Variants in IPO7 observed in about 807,000 individuals in gnomAD.
IPO7 encodes the protein importin-7.
IPO7 carries 13 observed loss-of-function variants against 136.4 expected under a neutral mutation model. That is an observed-to-expected ratio of 0.10 (90% CI 0.06 to 0.15). The LOEUF (loss-of-function observed/expected upper bound fraction) is 0.15, where lower values mean the gene tolerates loss of function less well. Ranked by LOEUF, IPO7 falls within the 10% of genes least tolerant of loss-of-function variation. The pLI is 1.00. For synonymous variants in IPO7, 403 were observed against 404.4 expected, an observed-to-expected ratio of 1.00 and a Z score of 0.04; for missense variants, 857 against 1,240.6, an observed-to-expected ratio of 0.69 and a Z score of 4.65.
chr11:9,396,771 C>T (rs183053381), intron 1 of IPO7, among the ~76,000 whole-genome samples: 7 of 152,148 alleles, frequency 4.6e-5, no homozygotes, highest in Admixed American at 3.3e-4. Flanking sequence ...TTTAAATTGC[C>T]GAATAGCATT....
At chr11:9,420,980 A>AT (rs558977398) in intron 8 of IPO7, among the ~76,000 whole-genome samples, 4 of 151,612 alleles carry the variant, frequency 2.6e-5, no homozygotes, top group African/African-American at 4.8e-5. Flanking sequence ...TAAGACAATA[A>AT]TTTTTTTTTC....
At chr11:9,411,213 T>C (rs1854963761) in intron 4 of IPO7, among the ~76,000 whole-genome samples, 1 of 152,202 alleles carries the variant, frequency 6.6e-6, no homozygotes, top group Non-Finnish European at 1.5e-5. Flanking sequence ...AAGTGGGAGA[T>C]ACAGGAGGCT....
In IPO7 at chr11:9,397,361, T is replaced by A. The variant is rs4512819; in HGVS notation, c.85-5929T>A. On this transcript the variant is annotated intron_variant, in intron 1 of 24. Coordinates refer to ENST00000379719, the MANE Select transcript of IPO7 (RefSeq NM_006391.3). ...AAAAAAATATATATATATATATATATATATTAGTCGGGCACGGTGGCAGGT... is the reference window on the plus strand; with the variant it reads ...AAAAAAATATATATATATATATATAAATATTAGTCGGGCACGGTGGCAGGT... Among the ~76,000 whole-genome samples, 7 of 42,276 alleles carry A rather than the reference T, an allele frequency of 1.7e-4. 1 individual carries two copies. Among genetic ancestry groups the A allele is most frequent in the South Asian group, 1.0e-3 (1 of 974 alleles). The allele number at this position is 42,276 out of a possible 152,430, so 27.7% of individuals were successfully genotyped here. A position where few individuals can be genotyped will look rare whatever the true frequency, so the allele number is the denominator to read the frequency against.
At chr11:9,393,194 G>C (rs1166476550) in intron 1 of IPO7, among the ~76,000 whole-genome samples, 2 of 152,174 alleles carry the variant, frequency 1.3e-5, no homozygotes, top group East Asian at 3.9e-4. Flanking sequence ...CTGCAGGCAG[G>C]TGATTACAGT....
At chr11:9,397,341 A>AAAAAAAAAACATAT in intron 1 of IPO7, among the ~76,000 whole-genome samples, 2 of 10,762 alleles carry the variant, frequency 1.9e-4, no homozygotes, top group African/African-American at 5.0e-4. Context: ...TTTAAAAAAA[A>AAAAAAAAAACATAT]ATATATATAT....
chr11:9,392,010 G>A (rs968966750), intron 1 of IPO7, among the ~76,000 whole-genome samples: 2 of 151,950 alleles, frequency 1.3e-5, no homozygotes, highest in South Asian at 2.1e-4. Context: ...TTACAGGTGC[G>A]AGTCACTGCA....
intron 1 of IPO7, among the ~76,000 whole-genome samples, chr11:9,396,585 G>A (rs575275642): frequency 6.6e-5 from 10 of 151,782 alleles, no homozygotes; most frequent in African/African-American, 2.2e-4. Flanking sequence ...ATTCCGCCCC[G>A]ACCCCATTCC....
At chr11:9,387,669 T>C (rs1176375626) in intron 1 of IPO7, among the ~76,000 whole-genome samples, 1 of 151,868 alleles carries the variant, frequency 6.6e-6, no homozygotes, top group African/African-American at 2.4e-5. Flanking sequence ...CCATCTCTAC[T>C]AAGAATACAA....
intron 1 of IPO7, among the ~76,000 whole-genome samples, chr11:9,387,694 G>C (rs1854570720): frequency 6.6e-6 from 1 of 151,970 alleles, no homozygotes; most frequent in Non-Finnish European, 1.5e-5. Context: ...AGCTGGGCGC[G>C]GTGGCGCATG....
chr11:9,389,128 A>G (rs1174885065), intron 1 of IPO7, among the ~76,000 whole-genome samples: 2 of 151,734 alleles, frequency 1.3e-5, no homozygotes, highest in African/African-American at 4.8e-5. Flanking sequence ...ATCTTGGCTC[A>G]CTGTAGCCTC....
At chr11:9,422,313 A>T (rs181853423) in intron 8 of IPO7, among the ~76,000 whole-genome samples, 1 of 152,202 alleles carries the variant, frequency 6.6e-6, no homozygotes, top group South Asian at 2.1e-4. Context: ...TGTGAATTTA[A>T]TATCATACTC....
At chr11:9,411,461 A>G (rs575416090) in intron 4 of IPO7, among the ~76,000 whole-genome samples, 4 of 152,346 alleles carry the variant, frequency 2.6e-5, no homozygotes, top group South Asian at 4.1e-4. Flanking sequence ...ACAAAGAAAG[A>G]GATGGAAATG....
At chr11:9,404,638 T>A (rs561661783) in intron 2 of IPO7, among the ~76,000 whole-genome samples, 1 of 143,196 alleles carries the variant, frequency 7.0e-6, no homozygotes, top group African/African-American at 2.6e-5. Flanking sequence ...CGATTTCCGC[T>A]CACTGCAAGC....
chr11:9,400,669 G>A (rs933786338), intron 1 of IPO7, among the ~76,000 whole-genome samples: 10 of 151,936 alleles, frequency 6.6e-5, no homozygotes, highest in African/African-American at 2.2e-4. Context: ...TGGTCCGCCC[G>A]CCTCGGCCTC....
chr11:9,408,115 G>A (rs1305202900), intron 2 of IPO7, among the ~76,000 whole-genome samples: 1 of 152,156 alleles, frequency 6.6e-6, no homozygotes, highest in Non-Finnish European at 1.5e-5. Flanking sequence ...TAGAAGCTAT[G>A]TTGGGATATG....
intron 14 of IPO7, 137 bp downstream of exon 14, chr11:9,429,333 C>G: frequency 1.4e-6 from 1 of 717,790 alleles, no homozygotes; most frequent in Non-Finnish European, 2.3e-6. Context: ...TGGGCAACAT[C>G]TCTACAAAAA....
chr11:9,443,429 C>CTG (rs1855485020), intron 24 of IPO7, among the ~76,000 whole-genome samples: 1 of 150,762 alleles, frequency 6.6e-6, no homozygotes, highest in Admixed American at 6.6e-5. Flanking sequence ...CCCATCTCTA[C>CTG]TGCAAATACA....
At chr11:9,415,297 G>C (rs1855024854) in intron 5 of IPO7, among the ~76,000 whole-genome samples, 1 of 151,728 alleles carries the variant, frequency 6.6e-6, no homozygotes, top group African/African-American at 2.4e-5. Flanking sequence ...ACTCCAGCCT[G>C]GGCAACAAGA....
At chr11:9,395,163 A>G (rs983737845) in intron 1 of IPO7, among the ~76,000 whole-genome samples, 2 of 152,218 alleles carry the variant, frequency 1.3e-5, no homozygotes, top group African/African-American at 4.8e-5. Context: ...CAATAATACC[A>G]TAATTGCCCA....
Sources: allele counts gnomAD v4.1 joint callset (sites outside exome capture counted in the v4.1 genomes callset), GRCh38; gene constraint gnomAD v4.1.1; transcripts MANE v1.5; gene names NCBI Gene and HGNC (gene_info 2026-07-23, HGNC 2026-07-21).